The following RFX1 variants were observed in gnomAD, a reference collection of about 807,000 sequenced individuals.
RFX1 encodes the protein MHC class II regulatory factor RFX1.
In RFX1, 42 loss-of-function variants were observed where a neutral mutation model predicts 119.6. The observed-to-expected ratio is 0.35, with a 90% CI of 0.27 to 0.45. RFX1 has a LOEUF of 0.45. Among genes scored for constraint, RFX1 ranks in the 20% least tolerant of loss-of-function variants. RFX1 has a pLI of 1.00. For synonymous variants in RFX1, 628 were observed against 618.5 expected (o/e 1.02, Z -0.23); for missense variants, 1,118 against 1,368.1 (o/e 0.82, Z 2.88).
At position 13,963,914 on chromosome 19, in the gene RFX1, C is replaced by T. The variant is rs1319124512; in HGVS notation, c.2305G>A (p.Ala769Thr). 2 of 1,549,164 alleles carry T rather than the reference C, an allele frequency of 1.3e-6. No homozygotes were observed. Among genetic ancestry groups the T allele is most frequent in the South Asian group, 1.2e-5 (1 of 84,230 alleles). ...TCGCTCAGCATCTGGTTGATCTGTG[C>T]GGTGTTCTGCAGCACAGCGCGCGCC... ...QAARAVLQNTAQINQMLSDLN... is the reference protein window; with the variant it reads ...QAARAVLQNTTQINQMLSDLN... The change falls in exon 17 of 21, where the codon GCA becomes ACA. Residue 769 changes from alanine (A) to threonine (T), a missense_variant. By Grantham distance (58) the Ala-to-Thr change is moderately conservative (BLOSUM62 0). This residue lies in a region of RFX1 where 338 missense variants were observed against 508.9 expected (regional missense o/e 0.66). Coordinates refer to ENST00000254325, the MANE Select transcript of RFX1 (RefSeq NM_002918.5).
At chr19:13,996,630 G>A (rs964501651) in intron 1 of RFX1, among the ~76,000 whole-genome samples, 1 of 152,140 alleles carries the variant, frequency 6.6e-6, no homozygotes, top group African/African-American at 2.4e-5. Context: ...AACTGGTGAG[G>A]GGGGATTGAA....
Position 13,965,765 on chromosome 19 carries a change from G to A in RFX1, c.1974C>T (p.Ala658=), listed in dbSNP as rs777477284. The A allele has an allele frequency of 5.0e-6, 8 of 1,613,480 alleles. No individual in the cohort carries two copies. The highest frequency in any genetic ancestry group is 4.0e-5 in the African/African-American group (3 of 74,860). The change falls in exon 15 of 21, where the codon GCC becomes GCT. Residue 658 remains alanine, a synonymous_variant. Coordinates refer to ENST00000254325, the MANE Select transcript of RFX1 (RefSeq NM_002918.5). This position sits in a 1 kb window ranked among gnomAD's most constrained non-coding sequence, Gnocchi z 4.7. ...GGATGGCTTTGGGCAGTCGCTTCTCGGCCTCGTCATGTCTGCGGGCACCCA... is the reference window on the plus strand; with the variant it reads ...GGATGGCTTTGGGCAGTCGCTTCTCAGCCTCGTCATGTCTGCGGGCACCCA... ...EAPPLAVHDE[A]EKRLPKAILV... is the part of the protein sequence containing the mutation.
Position 13,963,176 on chromosome 19 carries a change from G to C in RFX1, c.2670C>G (p.Ile890Met), listed in dbSNP as rs769521923. 7 of 1,612,662 alleles carry C rather than the reference G, an allele frequency of 4.3e-6. No individual in the cohort carries two copies. The highest frequency in any genetic ancestry group is 5.9e-6 in the Non-Finnish European group (7 of 1,179,436). Residue 890 changes from isoleucine (I) to methionine (M), a missense_variant, in exon 19 of 21, where the codon ATC becomes ATG. By Grantham distance (10) the Ile-to-Met change is conservative. Coordinates refer to ENST00000254325, the MANE Select transcript of RFX1 (RefSeq NM_002918.5). ...LLYDEYMYYL[I>M]EHRVAQAKGE... ...CCTTGGCCTGGGCTACGCGGTGCTC[G>C]ATCAGGTAGTACATGTACTCGTCGT...
intron 1 of RFX1, among the ~76,000 whole-genome samples, chr19:14,001,346 G>A (rs1463116060): frequency 6.6e-6 from 1 of 152,182 alleles, no homozygotes; most frequent in African/African-American, 2.4e-5. Flanking sequence ...TGTTGCCCAG[G>A]CTGGAGCACA....
At chr19:14,006,527 GC>G (rs1975388060), upstream of RFX1, 1 of 152,356 alleles carries the variant, frequency 6.6e-6, no homozygotes, top group Admixed American at 6.5e-5. Flanking sequence ...AGGCAGCCGG[GC>G]CCGTCACTCC....
chr19:14,006,647 C>G (rs768621950), upstream of RFX1: 9 of 152,278 alleles, frequency 5.9e-5, no homozygotes, highest in Admixed American at 5.9e-4. Flanking sequence ...GTCAATCTAC[C>G]AAAGGTTTGC....
Position 13,973,065 on chromosome 19 carries a change from T to G in RFX1, c.992A>C (p.Tyr331Ser). The change falls in exon 9 of 21, where the codon TAC becomes TCC. Residue 331 changes from tyrosine (Y) to serine (S), a missense_variant. By Grantham distance (144) the Tyr-to-Ser change is moderately radical. This residue lies in a region of RFX1 where 542 missense variants were observed against 602.7 expected (regional missense o/e 0.90). Coordinates refer to ENST00000254325, the MANE Select transcript of RFX1 (RefSeq NM_002918.5). ...PLYTQTASTS[Y>S]YEAAGTATQV... ...GGTGGCCGTGCCTGCGGCCTCGTAGTAGCTGGTGCTTGCCGTCTGCGTGTA... is the reference window on the plus strand; with the variant it reads ...GGTGGCCGTGCCTGCGGCCTCGTAGGAGCTGGTGCTTGCCGTCTGCGTGTA... 6.2e-7 allele frequency: 1 copy of G among 1,601,790 alleles called. No homozygotes were observed. Among genetic ancestry groups the G allele is most frequent in the Non-Finnish European group, 8.5e-7 (1 of 1,179,860 alleles).
In RFX1 at chr19:14,006,204, G is replaced by GGGGGGT. The variant is rs1041855002; in HGVS notation, c.-160_-155dup. On this transcript the variant is annotated 5_prime_UTR_variant, in exon 1 of 21. Transcript: ENST00000254325. Reference sequence around the variant, plus strand: ...GTGCTGGGGTCCCCGGGCCGGGCCTGGGGGGTGGGGGTGGGGGTCGGCCGG... The same window carrying GGGGGGT: ...GTGCTGGGGTCCCCGGGCCGGGCCTGGGGGGTGGGGGTGGGGGTGGGGGTCGGCCGG... 3 of 152,220 alleles carry GGGGGGT rather than the reference G, an allele frequency of 2.0e-5. No individual in the cohort carries two copies. The highest frequency in any genetic ancestry group is 2.4e-5 in the African/African-American group (1 of 41,434). The allele number at this position is 152,220 out of a possible 1,614,324, so 9.4% of individuals were successfully genotyped here.
At chr19:13,978,452 C>A (rs1252639014) in intron 7 of RFX1, among the ~76,000 whole-genome samples, 2 of 152,208 alleles carry the variant, frequency 1.3e-5, no homozygotes, top group Admixed American at 6.5e-5. Flanking sequence ...GCCTGGAAAC[C>A]GGGCACAGGA....
In RFX1 at chr19:13,985,720, G is replaced by T. The variant is rs1257351505; in HGVS notation, c.320-2125C>A. 2.0e-5 allele frequency among the ~76,000 whole-genome samples: 3 copies of T among 152,354 alleles called. No homozygotes were observed. Among genetic ancestry groups the T allele is most frequent in the South Asian group, 2.1e-4 (1 of 4,830 alleles). ...GCACAGGAAGGAAAGTAAGCTGGGGGTCTACGGGGACCCCTCAAAGTCTGA... is the reference window on the plus strand; with the variant it reads ...GCACAGGAAGGAAAGTAAGCTGGGGTTCTACGGGGACCCCTCAAAGTCTGA... On this transcript the variant is annotated intron_variant, in intron 2 of 20. Coordinates refer to ENST00000254325, the MANE Select transcript of RFX1 (RefSeq NM_002918.5). This position sits in a 1 kb window ranked among gnomAD's most constrained non-coding sequence, Gnocchi z 4.3.
At chr19:14,006,413 CA>C (rs1975384313), upstream of RFX1, 2 of 152,306 alleles carry the variant, frequency 1.3e-5, no homozygotes, top group South Asian at 2.1e-4. Context: ...CCAGGCCTTG[CA>C]GCTAAACTAT....
At position 13,979,483 on chromosome 19, in the gene RFX1, G is replaced by C; in HGVS notation, c.798C>G (p.Thr266=). ...CGTGGACTGGCTGGAGGCCCTGCAC[G>C]GTCAGCGGCTGCACCGGGCCGGGTT... ...APKPGPVQPL[T]VQGLQPVHVA... The change falls in exon 7 of 21, where the codon ACC becomes ACG. Residue 266 remains threonine, a synonymous_variant. Coordinates refer to ENST00000254325, the MANE Select transcript of RFX1 (RefSeq NM_002918.5). 6.3e-7 allele frequency: 1 copy of C among 1,599,954 alleles called. No homozygotes were observed. The highest frequency in any genetic ancestry group is 8.5e-7 in the Non-Finnish European group (1 of 1,172,430).
chr19:13,993,708 C>T lies in RFX1; in HGVS notation c.136G>A (p.Ala46Thr), dbSNP rs774435556. Residue 46 changes from alanine (A) to threonine (T), a missense_variant, in exon 2 of 21, where the codon GCT becomes ACT. Ala to Thr is a moderately conservative substitution (Grantham distance 58, BLOSUM62 0). Coordinates refer to ENST00000254325, the MANE Select transcript of RFX1 (RefSeq NM_002918.5). ...AAPQPPQPPTAAATPQPQYVT... is the reference protein window; with the variant it reads ...AAPQPPQPPTTAATPQPQYVT... ...TATTGGGGCTGAGGGGTGGCAGCAG[C>T]GGTGGGTGGCTGCGGGGGCTGGGGT... 3.3e-5 allele frequency: 30 copies of T among 909,368 alleles called. No individual in the cohort carries two copies. In the South Asian group the frequency reaches 5.5e-4, roughly 17 times the overall value. 56.3% of individuals were successfully genotyped at this position (909,368 alleles called of 1,614,324 possible).
In RFX1 at chr19:13,993,717, G is replaced by A. The variant is rs1323547000; in HGVS notation, c.127C>T (p.Pro43Ser). The A allele has an allele frequency of 1.9e-6, 3 of 1,577,046 alleles. No individual in the cohort carries two copies. The highest frequency in any genetic ancestry group is 2.3e-5 in the East Asian group (1 of 43,932). Residue 43 changes from proline (P) to serine (S), a missense_variant, in exon 2 of 21, where the codon CCA (proline) becomes TCA (serine). Pro to Ser is a moderately conservative substitution (Grantham distance 74). Transcript: ENST00000254325. Reference protein sequence around the residue: ...PPPAAPQPPQPPTAAATPQPQ... With the variant: ...PPPAAPQPPQSPTAAATPQPQ... ...TGAGGGGTGGCAGCAGCGGTGGGTGGCTGCGGGGGCTGGGGTGCCGCTGGG... is the reference window on the plus strand; with the variant it reads ...TGAGGGGTGGCAGCAGCGGTGGGTGACTGCGGGGGCTGGGGTGCCGCTGGG...
At chr19:13,970,579 C>T (rs1974046314) in intron 9 of RFX1, among the ~76,000 whole-genome samples, 1 of 146,844 alleles carries the variant, frequency 6.8e-6, no homozygotes, top group Non-Finnish European at 1.5e-5. Flanking sequence ...GCAAGAGGAT[C>T]CCTTCAGCTC....
intron 8 of RFX1, among the ~76,000 whole-genome samples, chr19:13,976,574 G>A (rs1974258613): frequency 6.6e-6 from 1 of 152,202 alleles, no homozygotes; most frequent in Admixed American, 6.5e-5. Context: ...ATGACATCGT[G>A]GCTGCTGCAT....
In RFX1 at chr19:13,965,958, CTG is replaced by C. The variant is rs1226212825; in HGVS notation, c.1962-183_1962-182del. On this transcript the variant is annotated intron_variant, in intron 14 of 20. Transcript: ENST00000254325. The surrounding 1 kb of genome is among the most constrained non-coding windows in gnomAD (Gnocchi z 4.7). ...CCCACTCCAGGGTCAGTGGGGCACT[CTG>C]TGTCTTGCCTCCAGTGCCAGAAGGC... is the stretch of plus-strand genomic sequence containing the variant. 6.6e-6 allele frequency among the ~76,000 whole-genome samples: 1 copy of C among 151,952 alleles called. No individual in the cohort carries two copies. The highest frequency in any genetic ancestry group is 1.9e-4 in the East Asian group (1 of 5,152).
At position 13,963,850 on chromosome 19, in the gene RFX1, G is replaced by A. The variant is rs1249062824; in HGVS notation, c.2361+8C>T. The A allele has an allele frequency of 1.0e-6, 1 of 981,874 alleles. No individual in the cohort carries two copies. Among genetic ancestry groups the A allele is most frequent in the Non-Finnish European group, 1.4e-6 (1 of 707,362 alleles). 60.8% of individuals were successfully genotyped at this position (981,874 alleles called of 1,614,324 possible). ...TCATTCGCCCGCCCCGCCCCGCCCC[G>A]CGCTCACCTGCACGTTGGCGAAGTC... On this transcript the variant is annotated splice_region_variant and intron_variant, in intron 17 of 20. Transcript: ENST00000254325.
Position 13,972,776 on chromosome 19 carries a change from A to G in RFX1, c.1281T>C (p.Ser427=), listed in dbSNP as rs1568463403. ...GCGAGGCACGGGTGGTGTGAGAGTA[A>G]GACTGGCTGGCACTGCCCAGCATGT... ...GGYMLGSASQ[S]YSHTTRASPA... is the part of the protein sequence containing the mutation. Residue 427 remains serine (S), a synonymous_variant, in exon 9 of 21, where the codon TCT becomes TCC. Coordinates refer to ENST00000254325, the MANE Select transcript of RFX1 (RefSeq NM_002918.5). 6.2e-7 allele frequency: 1 copy of G among 1,606,798 alleles called. No homozygotes were observed. Among genetic ancestry groups the G allele is most frequent in the South Asian group, 1.1e-5 (1 of 90,494 alleles).
Sources: gnomAD v4.1 joint callset for allele counts (sites outside exome capture counted in the v4.1 genomes callset) on GRCh38, gnomAD v4.1.1 for gene constraint, gnomAD v4.1.1 regional missense constraint, Gnocchi (gnomAD v3.1) non-coding constraint, MANE v1.5 for transcripts, NCBI Gene and HGNC (gene_info 2026-07-23, HGNC 2026-07-21) for gene names.